The following HELZ2 variants were observed in gnomAD, a reference collection of about 807,000 sequenced individuals.
HELZ2 encodes 3'-5' exoribonuclease HELZ2.
Under a neutral mutation model 208.8 loss-of-function variants are expected in HELZ2, and 143 were observed. The ratio of observed to expected loss-of-function variants is 0.68; its 90% CI spans 0.60 to 0.79. HELZ2 has a LOEUF of 0.79. Ranked by LOEUF, HELZ2 falls within the 30% of genes least tolerant of loss-of-function variation. HELZ2 has a pLI of 0.00. For synonymous variants in HELZ2, 1,705 were observed against 1,693.7 expected (o/e 1.01, Z -0.16); for missense variants, 3,690 against 3,794.5 (o/e 0.97, Z 0.72).
At chr20:63,569,976 T>A in intron 3 of HELZ2, 1 of 496,750 alleles carries the variant, frequency 2.0e-6, no homozygotes, top group Non-Finnish European at 3.6e-6. Context: ...TGAGACGGAG[T>A]TTCACTCTTG....
In HELZ2 at chr20:63,561,441, G is replaced by A. The variant is rs202204982; in HGVS notation, c.6862C>T (p.Arg2288Trp). ...GACGAGTAAGGGTTGGGGGCCTGCC[G>A]GATCCGGTGGTGCAGGGTGATGCTC... The change falls in exon 13 of 19, where the codon CGG becomes TGG. Residue 2288 changes from arginine to tryptophan, a missense_variant. This residue lies in a region of HELZ2 where 2,564 missense variants were observed against 2,580.5 expected (regional missense o/e 0.99). Coordinates refer to ENST00000467148, the Ensembl canonical transcript of HELZ2. 1.1e-5 allele frequency: 17 copies of A among 1,611,088 alleles called. No individual in the cohort carries two copies. Among genetic ancestry groups the A allele is most frequent in the East Asian group, 4.5e-5 (2 of 44,902 alleles).
At chr20:63,573,556 G>A (rs1022549147), upstream of HELZ2, among the ~76,000 whole-genome samples, 6 of 152,180 alleles carry the variant, frequency 3.9e-5, no homozygotes, top group South Asian at 2.1e-4. The surrounding 1 kb of genome is among the most constrained non-coding windows in gnomAD (Gnocchi z 4.9). Flanking sequence ...GCACAGTGCC[G>A]CCCCCAGGAG....
At chr20:63,562,448 G>C in intron 8 of HELZ2, 66 bp from the exon 10 acceptor site, 1 of 1,524,762 alleles carries the variant, frequency 6.6e-7, no homozygotes, top group Non-Finnish European at 8.8e-7. Context: ...TGCCCCACGA[G>C]CTCCCCCCTC....
chr20:63,572,597 C>T (rs6089926), upstream of HELZ2: 167,786 of 549,090 alleles, frequency 0.31, 29,107 homozygotes, highest in East Asian at 0.63. Flanking sequence ...GGGGTCCACG[C>T]GACAGATGCA....
exon 6 of HELZ2, chr20:63,567,000 C>T (rs963427168): frequency 6.8e-6 from 11 of 1,610,776 alleles, no homozygotes; most frequent in Admixed American, 3.3e-5. Context: ...CTGGGCTGCC[C>T]GCCACGTGGC....
exon 5 of HELZ2, chr20:63,568,658 G>A: frequency 6.2e-7 from 1 of 1,605,132 alleles, no homozygotes; most frequent in Non-Finnish European, 8.5e-7. Flanking sequence ...GAGGCGGAAG[G>A]TCATCGGGTC....
exon 8 of HELZ2, chr20:63,563,156 G>A: frequency 6.3e-7 from 1 of 1,593,186 alleles, no homozygotes; most frequent in Non-Finnish European, 8.5e-7. Context: ...CTGCAGGCTG[G>A]TGCCGAGCTG....
chr20:63,567,167 C>T, exon 6 of HELZ2: 1 of 1,609,506 alleles, frequency 6.2e-7, no homozygotes, highest in Non-Finnish European at 8.5e-7. Flanking sequence ...TGCCGCGCCA[C>T]CTCGTGAGTC....
intron 2 of HELZ2, 36 bp from the exon 4 acceptor site, chr20:63,570,647 A>ACCCCCCCCCCCCCCCC: frequency 2.0e-6 from 3 of 1,497,370 alleles, no homozygotes; most frequent in Non-Finnish European, 2.8e-6. Context: ...AGAGGCCTGG[A>ACCCCCCCCCCCCCCCC]CCCCACCCCA....
At chr20:63,566,916 G>C (rs746787284) in exon 6 of HELZ2, 35 of 1,609,670 alleles carry the variant, frequency 2.2e-5, no homozygotes, top group Non-Finnish European at 2.7e-5. Flanking sequence ...AGGTGTTGTA[G>C]GCCTCCTGCA....
At chr20:63,560,086 C>G in exon 18 of HELZ2, 3 of 1,598,732 alleles carry the variant, frequency 1.9e-6, no homozygotes, top group Non-Finnish European at 2.6e-6. Context: ...CACATAGCGC[C>G]ACTCGCTCCC....
In HELZ2 at chr20:63,567,910, C is replaced by T. The variant is rs544793012; in HGVS notation, c.1731-283G>A. ...CCCCAATCCAGAAATCAGCCCGGGA[C>T]GTATGGCCACTGTCCCAGGCTCTTC... is the stretch of plus-strand genomic sequence containing the variant. On this transcript the variant is annotated intron_variant, in intron 5 of 18. Coordinates refer to ENST00000467148, the Ensembl canonical transcript of HELZ2. The T allele has an allele frequency of 3.7e-4, 226 of 608,376 alleles. No individual in the cohort carries two copies. The East Asian group carries it at 4.2e-3, about 11-fold the overall frequency. The allele number at this position is 608,376 out of a possible 1,614,324, so 37.7% of individuals were successfully genotyped here. A position where few individuals can be genotyped will look rare whatever the true frequency, so the allele number is the denominator to read the frequency against.
exon 15 of HELZ2, chr20:63,560,916 C>T (rs373659051): frequency 4.0e-5 from 65 of 1,612,768 alleles, no homozygotes; most frequent in Non-Finnish European, 5.3e-5. Flanking sequence ...CTTGTGGTCT[C>T]CGAGAAGAAC....
chr20:63,564,413 C>T, exon 8 of HELZ2: 2 of 1,546,056 alleles, frequency 1.3e-6, no homozygotes, highest in Non-Finnish European at 1.7e-6. Flanking sequence ...ACGGCCGGCA[C>T]CCGGGTGCTG....
upstream of HELZ2, among the ~76,000 whole-genome samples, chr20:63,573,416 T>C (rs1443206408): frequency 1.3e-5 from 2 of 152,254 alleles, no homozygotes; most frequent in East Asian, 3.9e-4. This position sits in a 1 kb window ranked among gnomAD's most constrained non-coding sequence, Gnocchi z 4.9. Flanking sequence ...GCAGTAGCTG[T>C]GTCCTGTCAG....
exon 4 of HELZ2, chr20:63,569,234 C>G (rs149852356): frequency 6.4e-7 from 1 of 1,564,044 alleles, no homozygotes; most frequent in Non-Finnish European, 8.7e-7. Flanking sequence ...AGATGGGGCC[C>G]GAGGCCACGC....
At chr20:63,572,499 C>A, upstream of HELZ2, 2 of 1,153,966 alleles carry the variant, frequency 1.7e-6, no homozygotes, top group Non-Finnish European at 2.4e-6. Flanking sequence ...CGCGGCCTCA[C>A]CACCACAAAC....
chr20:63,561,928 G>A lies in HELZ2; in HGVS notation c.6586C>T (p.Gln2196Ter). The A allele has an allele frequency of 6.3e-7, 1 of 1,599,792 alleles. No homozygotes were observed. Among genetic ancestry groups the A allele is most frequent in the Non-Finnish European group, 8.5e-7 (1 of 1,173,424 alleles). ...GGGCCTCCGGGCTGCACCTGCTCCT[G>A]GTTTGATTTATGAAACCAGAATACG... The change falls in exon 11 of 19, where the codon CAG becomes TAG. Residue 2196 changes from glutamine (Q) to a stop codon, truncating the protein, a stop_gained. Coordinates refer to ENST00000467148, the Ensembl canonical transcript of HELZ2. LOFTEE classifies it high-confidence loss of function.
Position 63,564,723 on chromosome 20 carries a change from C to T in HELZ2, c.4099G>A (p.Glu1367Lys), listed in dbSNP as rs754761234. 24 of 1,609,992 alleles carry T rather than the reference C, an allele frequency of 1.5e-5. No homozygotes were observed. Among genetic ancestry groups the T allele is most frequent in the Admixed American group, 3.4e-5 (2 of 59,678 alleles). Residue 1367 changes from glutamate (E) to lysine (K), a missense_variant, in exon 8 of 19, where the codon GAG becomes AAG. Glu to Lys is a moderately conservative substitution (Grantham distance 56). Coordinates refer to ENST00000467148, the Ensembl canonical transcript of HELZ2. The stretch of plus-strand genomic sequence containing the variant: ...ACATCAGTGATGTGCACAGCCACCT[C>T]GCACCTGGGACCCAGGTCTCGGACA...
Sources: allele counts gnomAD v4.1 joint callset (sites outside exome capture counted in the v4.1 genomes callset), GRCh38; gene constraint gnomAD v4.1.1; regional missense constraint gnomAD v4.1.1; non-coding constraint Gnocchi (gnomAD v3.1); transcripts MANE v1.5; gene names NCBI Gene and HGNC (gene_info 2026-07-23, HGNC 2026-07-21).